The following KTN1 variants were observed in gnomAD, a reference collection of about 807,000 sequenced individuals.
The protein encoded by KTN1 is kinectin.
A neutral mutation model predicts 222.5 loss-of-function variants in KTN1; 130 were observed. The ratio of observed to expected loss-of-function variants is 0.58; its 90% CI spans 0.51 to 0.68. The LOEUF is 0.68. Ranked by LOEUF, KTN1 falls within the 30% of genes least tolerant of loss-of-function variation. The pLI is 0.00. For missense variants in KTN1, 1,508 were observed against 1,500.4 expected, an observed-to-expected ratio of 1.01 and a Z score of -0.08; for synonymous variants, 512 against 496.3, an observed-to-expected ratio of 1.03 and a Z score of -0.42.
chr14:55,616,524 G>T lies in KTN1; in HGVS notation c.531G>T (p.Gln177His). ...TGTTTGTGTTTAATAAAGATGACCA[G>T]GATAAAAAGGTGGAAACTCTCATGG... ...QKKSKNGSDD[Q>H]DKKVETLMVP... The change falls in exon 3 of 44, where the codon CAG becomes CAT. Residue 177 changes from glutamine to histidine, a missense_variant. Gln to His is a conservative substitution (Grantham distance 24). Coordinates refer to ENST00000395314, the MANE Select transcript of KTN1 (RefSeq NM_001079521.2). The T allele has an allele frequency of 7.0e-6, 11 of 1,578,768 alleles. No homozygotes were observed. The highest frequency in any genetic ancestry group is 9.4e-6 in the Non-Finnish European group (11 of 1,170,198).
At chr14:55,651,191 C>T in intron 24 of KTN1, 1 of 448,638 alleles carries the variant, frequency 2.2e-6, no homozygotes, top group South Asian at 1.6e-5. Flanking sequence ...CTTGTCAAAG[C>T]ACTGTACTCG....
chr14:55,671,477 C>A (rs2045443085), intron 35 of KTN1, 89 bp from the exon 36 acceptor site: 4 of 847,606 alleles, frequency 4.7e-6, no homozygotes, highest in Non-Finnish European at 7.5e-6. Context: ...AACCATTTAT[C>A]ATAATACAGT....
At chr14:55,634,381 T>A in intron 8 of KTN1, 145 bp from the exon 9 acceptor site, 3 of 552,068 alleles carry the variant, frequency 5.4e-6, no homozygotes, top group Non-Finnish European at 9.3e-6. Flanking sequence ...TAAACTTTAT[T>A]GTTAGTAGTC....
intron 3 of KTN1, among the ~76,000 whole-genome samples, chr14:55,616,869 T>G (rs1295108174): frequency 1.3e-5 from 2 of 152,202 alleles, no homozygotes; most frequent in Non-Finnish European, 2.9e-5. Flanking sequence ...AAAGTTTATA[T>G]ACCATTTACA....
intron 5 of KTN1, among the ~76,000 whole-genome samples, chr14:55,622,136 C>T (rs577295028): frequency 1.3e-4 from 20 of 152,196 alleles, no homozygotes; most frequent in African/African-American, 4.1e-4. Flanking sequence ...TGTGAGCCAC[C>T]GTGCCCGGCC....
chr14:55,610,621 AT>A (rs2140583860), intron 1 of KTN1, among the ~76,000 whole-genome samples: 1 of 152,364 alleles, frequency 6.6e-6, no homozygotes, highest in African/African-American at 2.4e-5. Flanking sequence ...AAGTGTAGCA[AT>A]TAACTTTAAT....
intron 35 of KTN1, 114 bp downstream of exon 35, chr14:55,670,923 G>A: frequency 3.3e-6 from 2 of 599,926 alleles, no homozygotes; most frequent in South Asian, 5.6e-5. Context: ...GCTCTTTTGA[G>A]AAAGTGTAAG....
At chr14:55,672,043 T>C (rs2045499060) in intron 37 of KTN1, 166 bp downstream of exon 37, 3 of 565,486 alleles carry the variant, frequency 5.3e-6, no homozygotes, top group Admixed American at 6.8e-5. Flanking sequence ...TCCAGAATAG[T>C]CTAATGCCCA....
chr14:55,672,134 T>G, intron 37 of KTN1: 1 of 372,634 alleles, frequency 2.7e-6, no homozygotes, highest in South Asian at 5.6e-5. Flanking sequence ...ACAGAACTAT[T>G]GTGTGATAAG....
At chr14:55,597,554 T>C (rs151163600) in intron 1 of KTN1, among the ~76,000 whole-genome samples, 1 of 152,268 alleles carries the variant, frequency 6.6e-6, no homozygotes, top group African/African-American at 2.4e-5. Context: ...ATATGAACAT[T>C]AAAATTGAAA....
intron 1 of KTN1, among the ~76,000 whole-genome samples, chr14:55,606,971 A>G (rs907194923): frequency 4.6e-5 from 7 of 152,218 alleles, no homozygotes; most frequent in Non-Finnish European, 8.8e-5. Context: ...GTGTCTTCAC[A>G]TGTCCCACAC....
chr14:55,639,940 A>T lies in KTN1; in HGVS notation c.1851A>T (p.Lys617Asn), dbSNP rs769201375. ...KVIAEKDKQIKQTEDSLASER... is the reference protein window; with the variant it reads ...KVIAEKDKQINQTEDSLASER... ...TTGCAGAAAAGGATAAGCAGATAAA[A>T]CAGACTGAAGATTCTTTAGCAAGTG... The change falls in exon 14 of 44, where the codon AAA (lysine) becomes AAT (asparagine). Residue 617 changes from lysine (K) to asparagine (N), a missense_variant. Lys to Asn is a moderately conservative substitution (Grantham distance 94, BLOSUM62 0). Transcript: ENST00000395314. The T allele has an allele frequency of 6.2e-7, 1 of 1,607,382 alleles. No homozygotes were observed. The highest frequency in any genetic ancestry group is 1.1e-5 in the South Asian group (1 of 90,850).
At chr14:55,635,003 C>T (rs2040957974) in intron 9 of KTN1, among the ~76,000 whole-genome samples, 1 of 152,092 alleles carries the variant, frequency 6.6e-6, no homozygotes, top group Non-Finnish European at 1.5e-5. Flanking sequence ...GTGGTCTCTC[C>T]CTTGACACGT....
chr14:55,592,442 A>G (rs1242659953), intron 1 of KTN1, among the ~76,000 whole-genome samples: 1 of 152,238 alleles, frequency 6.6e-6, no homozygotes, highest in Non-Finnish European at 1.5e-5. Flanking sequence ...AAATAATTGC[A>G]GTTGACCCTT....
chr14:55,645,660 A>G (rs774854461), intron 18 of KTN1, among the ~76,000 whole-genome samples: 1 of 152,034 alleles, frequency 6.6e-6, no homozygotes, highest in Non-Finnish European at 1.5e-5. Flanking sequence ...ACTTTTGACA[A>G]CTCCTATTTC....
intron 1 of KTN1, among the ~76,000 whole-genome samples, chr14:55,593,268 C>T (rs1160127927): frequency 2.0e-5 from 3 of 151,798 alleles, no homozygotes; most frequent in African/African-American, 4.8e-5. Flanking sequence ...GGTGTGAATT[C>T]GTGTTTTTAT....
rs377055271 is a variant in KTN1, at chr14:55,612,531, G to A, written c.483G>A (p.Ser161=). 55 of 1,602,172 alleles carry A rather than the reference G, an allele frequency of 3.4e-5. No individual in the cohort carries two copies. Among genetic ancestry groups the A allele is most frequent in the African/African-American group, 3.0e-4 (22 of 73,776 alleles). Residue 161 remains serine, a synonymous_variant, in exon 2 of 44, where the codon TCG becomes TCA. Coordinates refer to ENST00000395314, the MANE Select transcript of KTN1 (RefSeq NM_001079521.2). ...QPTPPSEAAA[S]KKKPGQKKSK... ...CCCCTCCCTCTGAAGCAGCTGCCTC[G>A]AAGAAGAAACCAGGGCAGAAGAAGT...
chr14:55,611,468 T>A (rs977261292), intron 1 of KTN1, among the ~76,000 whole-genome samples: 4 of 152,038 alleles, frequency 2.6e-5, no homozygotes, highest in Non-Finnish European at 4.4e-5. Flanking sequence ...GATTTTTATA[T>A]CCTTGATAGA....
chr14:55,634,919 A>G (rs2040946102), intron 9 of KTN1, among the ~76,000 whole-genome samples: 4 of 152,092 alleles, frequency 2.6e-5, no homozygotes. Context: ...TTATAAAACC[A>G]TTAGATCTTG....
Sources: gnomAD v4.1 joint callset for allele counts (sites outside exome capture counted in the v4.1 genomes callset) on GRCh38, gnomAD v4.1.1 for gene constraint, MANE v1.5 for transcripts, NCBI Gene and HGNC (gene_info 2026-07-23, HGNC 2026-07-21) for gene names.